Variants in KIAA1328 observed in about 807,000 individuals in gnomAD.
KIAA1328 encodes protein hinderin.
In KIAA1328, 52 loss-of-function variants were observed where a neutral mutation model predicts 68.1. The observed-to-expected ratio is 0.76, with a 90% CI of 0.61 to 0.96. The LOEUF (loss-of-function observed/expected upper bound fraction) is 0.96, where lower values mean the gene tolerates loss of function less well. Ranked by LOEUF, KIAA1328 falls within the 40% of genes least tolerant of loss-of-function variation. KIAA1328 has a pLI of 0.00. For missense variants in KIAA1328, 641 were observed against 677.6 expected (o/e 0.95, Z 0.60); for synonymous variants, 232 against 239.4 (o/e 0.97, Z 0.28).
At chr18:36,956,510 A>C (rs1279075430) in intron 5 of KIAA1328, among the ~76,000 whole-genome samples, 2 of 149,494 alleles carry the variant, frequency 1.3e-5, no homozygotes, top group East Asian at 2.0e-4. Context: ...CAGATGGAAG[A>C]TTGAAGTCTC....
chr18:36,959,127 T>G (rs1465255387), intron 5 of KIAA1328, among the ~76,000 whole-genome samples, 181 bp from the exon 6 acceptor site: 3 of 152,250 alleles, frequency 2.0e-5, no homozygotes, highest in Non-Finnish European at 4.4e-5. Flanking sequence ...TGTGAAGTAT[T>G]GTTTTATGAT....
intron 9 of KIAA1328, among the ~76,000 whole-genome samples, chr18:37,182,573 G>C (rs2059718183): frequency 6.6e-6 from 1 of 152,118 alleles, no homozygotes; most frequent in African/African-American, 2.4e-5. Context: ...GAACTTCCCA[G>C]GGTCACTCAA....
At position 37,213,440 on chromosome 18, in the gene KIAA1328, T is replaced by C. The variant is rs534497707; in HGVS notation, c.1524-8577T>C. Among the ~76,000 whole-genome samples, 44 of 152,282 alleles carry C rather than the reference T, an allele frequency of 2.9e-4. 1 individual carries two copies. In the South Asian group the frequency reaches 5.2e-3, roughly 18 times the overall value. ...TGTGATAGTTTGCTCAGAATGATGG[T>C]TTCCAGCTTCATCCATGTCCCTACA... On this transcript the variant is annotated intron_variant, in intron 9 of 9. Coordinates refer to ENST00000280020, the MANE Select transcript of KIAA1328 (RefSeq NM_020776.3).
chr18:36,841,955 G>A (rs914138933), intron 3 of KIAA1328, among the ~76,000 whole-genome samples: 14 of 148,492 alleles, frequency 9.4e-5, no homozygotes, highest in South Asian at 2.2e-4. Flanking sequence ...CTCTTCCAAT[G>A]TTACGTGAGA....
intron 4 of KIAA1328, among the ~76,000 whole-genome samples, chr18:36,863,749 A>T (rs980086257): frequency 9.2e-5 from 14 of 152,100 alleles, no homozygotes; most frequent in African/African-American, 2.9e-4. Context: ...ATATCTAAGT[A>T]TTTAATTTTC....
chr18:36,910,028 A>T (rs1305015554), intron 5 of KIAA1328, among the ~76,000 whole-genome samples: 1 of 152,154 alleles, frequency 6.6e-6, no homozygotes, highest in Non-Finnish European at 1.5e-5. Context: ...TCTGGATATT[A>T]GCCCTTCGTC....
At chr18:36,831,306 T>C (rs2046483287) in intron 1 of KIAA1328, among the ~76,000 whole-genome samples, 1 of 152,182 alleles carries the variant, frequency 6.6e-6, no homozygotes, top group Non-Finnish European at 1.5e-5. Context: ...ATGGCACCTT[T>C]TTTTTTTATT....
At chr18:37,207,071 G>GA (rs1199500294) in intron 9 of KIAA1328, among the ~76,000 whole-genome samples, 1 of 152,144 alleles carries the variant, frequency 6.6e-6, no homozygotes, top group African/African-American at 2.4e-5. Context: ...GGTAGAAAAA[G>GA]AAAGAGTAGT....
intron 9 of KIAA1328, among the ~76,000 whole-genome samples, chr18:37,192,406 G>T (rs1017807476): frequency 1.3e-5 from 2 of 152,100 alleles, no homozygotes; most frequent in Admixed American, 1.3e-4. Context: ...TTTCAATAAT[G>T]TGTAGCATAA....
At position 36,840,684 on chromosome 18, in the gene KIAA1328, C is replaced by G. The variant is rs1238622710; in HGVS notation, c.238-3524C>G. On this transcript the variant is annotated intron_variant, in intron 3 of 9. Transcript: ENST00000280020. ...ACCAGGCTGGTCTTGAACTCCTGAC[C>G]TCGTGATCCACCCACCTCGGCCTCC... Among the ~76,000 whole-genome samples the G allele has an allele frequency of 7.9e-5, 12 of 152,208 alleles. No homozygotes were observed. The South Asian group carries it at 2.1e-3, about 26-fold the overall frequency.
At chr18:37,011,136 G>A (rs1053052197) in intron 6 of KIAA1328, among the ~76,000 whole-genome samples, 2 of 151,976 alleles carry the variant, frequency 1.3e-5, no homozygotes, top group African/African-American at 2.4e-5. Flanking sequence ...CTTTTCCCTT[G>A]CTATTATAGG....
At position 37,077,263 on chromosome 18, in the gene KIAA1328, G is replaced by A. The variant is rs569746682; in HGVS notation, c.1232+9718G>A. Reference sequence around the variant, plus strand: ...CGATTATCTCAATAGATGCAGAACAGGCCTTTGACAAAATTCAACAAGGCT... The same window carrying A: ...CGATTATCTCAATAGATGCAGAACAAGCCTTTGACAAAATTCAACAAGGCT... On this transcript the variant is annotated intron_variant, in intron 7 of 9. Coordinates refer to ENST00000280020, the MANE Select transcript of KIAA1328 (RefSeq NM_020776.3). Among the ~76,000 whole-genome samples, 329 of 132,188 alleles carry A rather than the reference G, an allele frequency of 2.5e-3. 28 individuals are homozygous for A. The highest frequency in any genetic ancestry group is 5.1e-3 in the Admixed American group (72 of 14,164). The allele number at this position is 132,188 out of a possible 152,430, so 86.7% of individuals were successfully genotyped here. A position where few individuals can be genotyped will look rare whatever the true frequency, so the allele number is the denominator to read the frequency against.
rs201544644 is a variant in KIAA1328, at chr18:37,074,581, G to A, written c.1232+7036G>A. Among the ~76,000 whole-genome samples, 39 of 152,048 alleles carry A rather than the reference G, an allele frequency of 2.6e-4. No individual in the cohort carries two copies. The East Asian group carries it at 5.0e-3, about 20-fold the overall frequency. ...CTGATACCCTTTCTTCCAGTTGATC[G>A]CATCGGCTCCTGAGGCTTCTGCATT... On this transcript the variant is annotated intron_variant, in intron 7 of 9. Transcript: ENST00000280020.
At chr18:36,899,057 T>C (rs994695144) in intron 5 of KIAA1328, among the ~76,000 whole-genome samples, 1 of 152,012 alleles carries the variant, frequency 6.6e-6, no homozygotes, top group African/African-American at 2.4e-5. Context: ...ATCTTCATCT[T>C]GTTCTGTATC....
chr18:37,046,362 C>A (rs2055468273), intron 6 of KIAA1328, among the ~76,000 whole-genome samples: 1 of 151,982 alleles, frequency 6.6e-6, no homozygotes, highest in African/African-American at 2.4e-5. Context: ...TTTTAGATGG[C>A]TTTTCATCTA....
chr18:37,078,527 T>C (rs1175792898), intron 7 of KIAA1328, among the ~76,000 whole-genome samples: 1 of 147,504 alleles, frequency 6.8e-6, no homozygotes, highest in East Asian at 2.0e-4. Context: ...GAAACTACCA[T>C]CAGAGTGAAC....
intron 4 of KIAA1328, among the ~76,000 whole-genome samples, chr18:36,854,831 C>T (rs1416907948): frequency 6.6e-6 from 1 of 152,048 alleles, no homozygotes; most frequent in Non-Finnish European, 1.5e-5. Flanking sequence ...ATTTATTTCT[C>T]CTCTCTTCAG....
intron 7 of KIAA1328, among the ~76,000 whole-genome samples, chr18:37,093,890 G>A (rs998138730): frequency 2.6e-5 from 4 of 152,054 alleles, no homozygotes; most frequent in Non-Finnish European, 4.4e-5. Context: ...AATCCAGCAA[G>A]GAAAAGCATC....
At chr18:36,897,488 A>G (rs2048901561) in intron 5 of KIAA1328, among the ~76,000 whole-genome samples, 1 of 152,224 alleles carries the variant, frequency 6.6e-6, no homozygotes, top group East Asian at 1.9e-4. Context: ...GGCAAAGGAG[A>G]AAAGAAGATG....
Sources: allele counts gnomAD v4.1 joint callset (sites outside exome capture counted in the v4.1 genomes callset), GRCh38; gene constraint gnomAD v4.1.1; transcripts MANE v1.5; gene names NCBI Gene and HGNC (gene_info 2026-07-23, HGNC 2026-07-21).